The following HSPG2 variants were observed in gnomAD, a reference collection of about 807,000 sequenced individuals.
HSPG2 encodes basement membrane-specific heparan sulfate proteoglycan core protein.
In HSPG2, 278 loss-of-function variants were observed where a neutral mutation model predicts 526.6. The ratio of observed to expected loss-of-function variants is 0.53; its 90% CI spans 0.48 to 0.58. The LOEUF (loss-of-function observed/expected upper bound fraction) is 0.58. Ranked by LOEUF, HSPG2 falls within the 20% of genes least tolerant of loss-of-function variation. The probability of loss-of-function intolerance (pLI) is 0.00; values close to 1 mark genes in which losing one functional copy is unlikely to be tolerated. For missense variants in HSPG2, 5,354 were observed against 6,099.5 expected, an observed-to-expected ratio of 0.88 and a Z score of 4.07; for synonymous variants, 2,465 against 2,555.4, an observed-to-expected ratio of 0.96 and a Z score of 1.07.
chr1:21,848,620 C>T lies in HSPG2; in HGVS notation c.7737+23G>A. 1 of 1,612,588 alleles carries T rather than the reference C, an allele frequency of 6.2e-7. No homozygotes were observed. Among genetic ancestry groups the T allele is most frequent in the Non-Finnish European group, 8.5e-7 (1 of 1,179,970 alleles). ...GGGGCTGGTGTGCCCTGCTTTTGCC[C>T]TCCCCACCTGCTGGCCCTGTACCTG... On this transcript the variant is annotated intron_variant, in intron 59 of 96. Transcript: ENST00000374695. This position sits in a 1 kb window ranked among gnomAD's most constrained non-coding sequence, Gnocchi z 4.9.
intron 33 of HSPG2, among the ~76,000 whole-genome samples, chr1:21,869,201 C>T (rs972983272): frequency 3.9e-5 from 6 of 152,184 alleles, no homozygotes; most frequent in South Asian, 2.1e-4. Flanking sequence ...TGGCCTGGGT[C>T]GGCTTCTCCT....
At position 21,884,900 on chromosome 1, in the gene HSPG2, C is replaced by G; in HGVS notation, c.1374G>C (p.Glu458Asp). Residue 458 changes from glutamate to aspartate, a missense_variant, in exon 12 of 97, where the codon GAG (glutamate) becomes GAC (aspartate). Transcript: ENST00000374695. Reference protein sequence around the residue: ...PSHPRVTVTSEGGRGTLIIRD... With the variant: ...PSHPRVTVTSDGGRGTLIIRD... The stretch of plus-strand genomic sequence containing the variant: ...GGATGATCAGTGTGCCACGGCCACC[C>G]TCGCTGGTCACTGTCACCCTGGTGA... 1 of 1,614,022 alleles carries G rather than the reference C, an allele frequency of 6.2e-7. No homozygotes were observed. Among genetic ancestry groups the G allele is most frequent in the South Asian group, 1.1e-5 (1 of 91,086 alleles).
chr1:21,886,735 C>T (rs1245069606), intron 9 of HSPG2, among the ~76,000 whole-genome samples: 2 of 151,946 alleles, frequency 1.3e-5, no homozygotes, highest in Non-Finnish European at 2.9e-5. Context: ...GGATGAAGGG[C>T]TGGGTGGATG....
chr1:21,933,811 GGTACGGAACAA>G (rs1290099417), intron 1 of HSPG2, among the ~76,000 whole-genome samples: 1 of 152,262 alleles, frequency 6.6e-6, no homozygotes, highest in African/African-American at 2.4e-5. Flanking sequence ...GCCGGCTGCA[GGTACGGAACAA>G]GTAGGCTAGT....
Position 21,823,346 on chromosome 1 carries a change from G to C in HSPG2, c.13146C>G (p.Ala4382=). The C allele has an allele frequency of 1.9e-6, 3 of 1,543,444 alleles. No homozygotes were observed. Among genetic ancestry groups the C allele is most frequent in the Non-Finnish European group, 1.7e-6 (2 of 1,147,908 alleles). The change falls in exon 97 of 97, where the codon GCC becomes GCG. Residue 4382 remains alanine, a synonymous_variant. Transcript: ENST00000374695. The part of the protein sequence containing the change: ...QPLDLQHRAQ[A]GANTRPCPS ...AGGGGCAGGGGCGTGTGTTGGCCCC[G>C]GCCTGGGCGCGGTGCTGCAGGTCCA... is the stretch of plus-strand genomic sequence containing the variant.
rs1398546619 is a variant in HSPG2 at position 21,880,722 on chromosome 1, G to A, written c.1932C>T (p.Leu644=). Residue 644 remains leucine, a synonymous_variant, in exon 15 of 97, where the codon CTC becomes CTT. Coordinates refer to ENST00000374695, the MANE Select transcript of HSPG2 (RefSeq NM_005529.7). ...GGGTGGGTGTGTGGCCTCGGGAGAG[G>A]AGGCGGTACCCGGCACCCATGAGGA... is the stretch of plus-strand genomic sequence containing the variant. ...DVVLMGAGYR[L]LSRGHTPTQP... The A allele has an allele frequency of 1.9e-6, 3 of 1,601,306 alleles. No individual in the cohort carries two copies. Among genetic ancestry groups the A allele is most frequent in the East Asian group, 2.3e-5 (1 of 44,334 alleles).
chr1:21,935,900 G>A (rs1054261002), intron 1 of HSPG2, among the ~76,000 whole-genome samples: 2 of 152,114 alleles, frequency 1.3e-5, no homozygotes, highest in African/African-American at 4.8e-5. Flanking sequence ...GTGGGGATGG[G>A]GGAGGAGAAG....
rs375009698 is a variant in HSPG2 at position 21,847,405 on chromosome 1, G to A, written c.8113C>T (p.Leu2705=). ...VCRANNNIDA[L]EASIVISVSP... ...ACGGAGATGACGATGGAGGCCTCCAGGGCATCGATGTTGTTGTTGGCCCGG... is the reference window on the plus strand; with the variant it reads ...ACGGAGATGACGATGGAGGCCTCCAAGGCATCGATGTTGTTGTTGGCCCGG... The change falls in exon 62 of 97, where the codon CTG becomes TTG. Residue 2705 remains leucine (L), a synonymous_variant. Coordinates refer to ENST00000374695, the MANE Select transcript of HSPG2 (RefSeq NM_005529.7). The surrounding 1 kb of genome is among the most constrained non-coding windows in gnomAD (Gnocchi z 4.1). 6.2e-7 allele frequency: 1 copy of A among 1,613,984 alleles called. No individual in the cohort carries two copies. Among genetic ancestry groups the A allele is most frequent in the Non-Finnish European group, 8.5e-7 (1 of 1,180,036 alleles).
chr1:21,859,608 G>C lies in HSPG2; in HGVS notation c.5251C>G (p.Leu1751Val). The C allele has an allele frequency of 1.9e-6, 3 of 1,610,396 alleles. No individual in the cohort carries two copies. The South Asian group carries it at 3.3e-5, about 18-fold the overall frequency. ...GCCCGGCTGGTATTGGATTGGTGGA[G>C]ATTACGGCAGGTGCAAATGTAGACC... Reference protein sequence around the residue: ...AGVYICTCRNLHQSNTSRAEL... With the variant: ...AGVYICTCRNVHQSNTSRAEL... The change falls in exon 42 of 97, where the codon CTC (leucine) becomes GTC (valine). Residue 1751 changes from leucine (L) to valine (V), a missense_variant. Leu to Val is a conservative substitution (Grantham distance 32). Transcript: ENST00000374695. The surrounding 1 kb of genome is among the most constrained non-coding windows in gnomAD (Gnocchi z 5.3).
At chr1:21,834,038 T>A (rs1284522665) in intron 77 of HSPG2, 113 bp from the exon 78 acceptor site, 3 of 773,170 alleles carry the variant, frequency 3.9e-6, no homozygotes, top group Non-Finnish European at 6.9e-6. Context: ...AGCCACTACA[T>A]TCCATTTCAC....
rs550403599 is a variant in HSPG2, at chr1:21,898,460, C to T, written c.64-2150G>A. 2.6e-5 allele frequency among the ~76,000 whole-genome samples: 4 copies of T among 152,230 alleles called. No individual in the cohort carries two copies. The highest frequency in any genetic ancestry group is 4.4e-5 in the Non-Finnish European group (3 of 68,036). On this transcript the variant is annotated intron_variant, in intron 1 of 96. Transcript: ENST00000374695. The surrounding 1 kb of genome is among the most constrained non-coding windows in gnomAD (Gnocchi z 4.0). ...GCGCATTCAGGAGTGTGCTTTAGAA[C>T]GTCCAGGAGCTGGTGAGAAATGCAG...
Position 21,844,464 on chromosome 1 carries a change from C to A in HSPG2, c.8465-165G>T, listed in dbSNP as rs947252413. ...GCTGGGCTAGCCTGGGAGGTGGAGGCACTTCTCATTCCCCCAGCCCCGCCC... is the reference window on the plus strand; with the variant it reads ...GCTGGGCTAGCCTGGGAGGTGGAGGAACTTCTCATTCCCCCAGCCCCGCCC... On this transcript the variant is annotated intron_variant, in intron 64 of 96. Coordinates refer to ENST00000374695, the MANE Select transcript of HSPG2 (RefSeq NM_005529.7). Among the ~76,000 whole-genome samples the A allele has an allele frequency of 2.0e-5, 3 of 152,348 alleles. No individual in the cohort carries two copies. In the South Asian group the frequency reaches 6.2e-4, roughly 32 times the overall value.
chr1:21,927,291 A>G (rs1644224786), intron 1 of HSPG2, among the ~76,000 whole-genome samples: 1 of 152,160 alleles, frequency 6.6e-6, no homozygotes, highest in Non-Finnish European at 1.5e-5. Flanking sequence ...ATCTCTACCC[A>G]ACAGCCCAAG....
chr1:21,878,113 G>C, intron 21 of HSPG2, 73 bp downstream of exon 21: 1 of 1,383,914 alleles, frequency 7.2e-7, no homozygotes, highest in Admixed American at 1.8e-5. Context: ...AGAGGACGGA[G>C]CTTCCTTCTT....
In HSPG2 at chr1:21,866,486, A is replaced by G. The variant is rs115140310; in HGVS notation, c.4222-677T>C. On this transcript the variant is annotated intron_variant, in intron 33 of 96. Coordinates refer to ENST00000374695, the MANE Select transcript of HSPG2 (RefSeq NM_005529.7). The stretch of plus-strand genomic sequence containing the variant: ...ATGCTCTTTCTACCAGGCCAGAGAA[A>G]GTCCCTTCTGCAGTCAGATGAGAAG... 6.6e-3 allele frequency among the ~76,000 whole-genome samples: 999 copies of G among 152,326 alleles called. 11 individuals carry two copies. Among genetic ancestry groups the G allele is most frequent in the African/African-American group, 0.023 (940 of 41,564 alleles).
chr1:21,881,171 G>T (rs911602845), intron 14 of HSPG2, among the ~76,000 whole-genome samples, 168 bp downstream of exon 14: 4 of 152,230 alleles, frequency 2.6e-5, no homozygotes, highest in Non-Finnish European at 5.9e-5. Flanking sequence ...AGCCAACAGT[G>T]CAGGGGAGAG....
intron 1 of HSPG2, among the ~76,000 whole-genome samples, chr1:21,899,104 G>C (rs186269878): frequency 1.3e-5 from 2 of 152,176 alleles, no homozygotes; most frequent in Non-Finnish European, 2.9e-5. Flanking sequence ...CCAGAGCACG[G>C]GTCCCTCCAT....
At position 21,852,963 on chromosome 1, in the gene HSPG2, C is replaced by T. The variant is rs1170469218; in HGVS notation, c.6547G>A (p.Val2183Ile). ...CVVPGQAHAQ[V>I]TWHKRGGSLP... ...CTGCCCCCACGCTTGTGCCACGTGA[C>T]CTGGGCGTGGGCCTGCCCGGGCACC... Residue 2183 changes from valine to isoleucine, a missense_variant, in exon 51 of 97, where the codon GTC (valine) becomes ATC (isoleucine). Coordinates refer to ENST00000374695, the MANE Select transcript of HSPG2 (RefSeq NM_005529.7). 1 of 1,613,574 alleles carries T rather than the reference C, an allele frequency of 6.2e-7. No homozygotes were observed.
chr1:21,844,761 T>C (rs1391285969), intron 64 of HSPG2, among the ~76,000 whole-genome samples: 1 of 152,260 alleles, frequency 6.6e-6, no homozygotes, highest in African/African-American at 2.4e-5. Flanking sequence ...CAATGCCATC[T>C]ACCTCAAAGG....
Sources: gnomAD v4.1 joint callset for allele counts (sites outside exome capture counted in the v4.1 genomes callset) on GRCh38, gnomAD v4.1.1 for gene constraint, Gnocchi (gnomAD v3.1) non-coding constraint, MANE v1.5 for transcripts, NCBI Gene and HGNC (gene_info 2026-07-23, HGNC 2026-07-21) for gene names.